Variants in DENND4C observed in about 807,000 individuals in gnomAD.
DENND4C encodes the protein DENN domain-containing protein 4C.
DENND4C carries 108 observed loss-of-function variants against 203.0 expected under a neutral mutation model. The ratio of observed to expected loss-of-function variants is 0.53; its 90% CI spans 0.46 to 0.62. DENND4C has a LOEUF of 0.62. DENND4C is among the 20% of genes least tolerant of loss of function. The pLI is 0.00. For synonymous variants in DENND4C, 871 were observed against 792.4 expected (o/e 1.10, Z -1.67); for missense variants, 2,481 against 2,301.2 (o/e 1.08, Z -1.60).
At position 19,286,885 on chromosome 9, in the gene DENND4C, T is replaced by C; in HGVS notation, c.422T>C (p.Ile141Thr). The C allele has an allele frequency of 1.6e-6, 2 of 1,232,146 alleles. No homozygotes were observed. The highest frequency in any genetic ancestry group is 2.0e-6 in the Non-Finnish European group (2 of 987,968). 76.3% of individuals were successfully genotyped at this position (1,232,146 alleles called of 1,614,324 possible). A position where few individuals can be genotyped will look rare whatever the true frequency, so the allele number is the denominator to read the frequency against. Residue 141 changes from isoleucine (I) to threonine (T), a missense_variant, in exon 3 of 33, where the codon ATC (isoleucine) becomes ACC (threonine). Ile to Thr is a moderately conservative substitution (Grantham distance 89, BLOSUM62 -1). Around this residue, in one of 3 missense-constraint regions of DENND4C, gnomAD observed 187 missense variants for 167.4 expected, o/e 1.12. Transcript: ENST00000434457. ...NSSTTSQRIF[I>T]TYRRAPPVRP... is the part of the protein sequence containing the mutation. ...TCAACTACTTCACAAAGAATCTTTA[T>C]CACTTATCGAAGGGCTCCTCCAGTT...
In DENND4C at chr9:19,346,368, C is replaced by T. The variant is rs1001824954; in HGVS notation, c.3599C>T (p.Ala1200Val). The T allele has an allele frequency of 1.2e-6, 2 of 1,613,912 alleles. No individual in the cohort carries two copies. The highest frequency in any genetic ancestry group is 1.7e-5 in the Admixed American group (1 of 59,978). The change falls in exon 23 of 33, where the codon GCA becomes GTA. Residue 1200 changes from alanine to valine, a missense_variant. Around this residue, in one of 3 missense-constraint regions of DENND4C, gnomAD observed 2,289 missense variants for 2,113.3 expected, o/e 1.08. Coordinates refer to ENST00000434457, the MANE Select transcript of DENND4C (RefSeq NM_001330640.2). ...GTTGATGACGTACCTAAAACTACTGCAACAGTAGATACATATGAGAGTCTA... is the reference window on the plus strand; with the variant it reads ...GTTGATGACGTACCTAAAACTACTGTAACAGTAGATACATATGAGAGTCTA... ...PVVDDVPKTT[A>V]TVDTYESLLS...
At chr9:19,320,390 G>A (rs1842684385) in intron 12 of DENND4C, among the ~76,000 whole-genome samples, 2 of 152,204 alleles carry the variant, frequency 1.3e-5, no homozygotes, top group South Asian at 4.1e-4. Flanking sequence ...GTGGAGATGA[G>A]GTTTAGCCAT....
chr9:19,248,042 A>G (rs1043493880), intron 1 of DENND4C, among the ~76,000 whole-genome samples: 4 of 152,078 alleles, frequency 2.6e-5, no homozygotes, highest in African/African-American at 9.7e-5. Context: ...CCTTGCTTCC[A>G]TTCTTTTCTC....
intron 2 of DENND4C, among the ~76,000 whole-genome samples, chr9:19,280,018 A>AAG (rs74652311): frequency 0.58 from 87,383 of 151,604 alleles, 25,167 homozygotes; most frequent in South Asian, 0.68. Flanking sequence ...ATATAGGAAA[A>AAG]AGATATTTTA....
rs762579335 is a variant in DENND4C at position 19,357,136 on chromosome 9, G to C, written c.4946G>C (p.Gly1649Ala). The change falls in exon 27 of 33, where the codon GGC becomes GCC. Residue 1649 changes from glycine to alanine, a missense_variant. This residue lies in a region of DENND4C where 2,289 missense variants were observed against 2,113.3 expected (regional missense o/e 1.08). Transcript: ENST00000434457. ...AACCAGATCATAACTGAAGAAACAG[G>C]CTCTGCAGTTGAACCAAGGTATCAA... is the stretch of plus-strand genomic sequence containing the variant. Reference protein sequence around the residue: ...KHNQIITEETGSAVEPSDEIK... With the variant: ...KHNQIITEETASAVEPSDEIK... The C allele has an allele frequency of 3.1e-6, 5 of 1,613,820 alleles. No individual in the cohort carries two copies. Among genetic ancestry groups the C allele is most frequent in the Non-Finnish European group, 4.2e-6 (5 of 1,179,810 alleles).
At chr9:19,333,604 T>G (rs1413554094) in intron 17 of DENND4C, among the ~76,000 whole-genome samples, 2 of 152,156 alleles carry the variant, frequency 1.3e-5, no homozygotes, top group Non-Finnish European at 2.9e-5. Flanking sequence ...AGTTTGAAGG[T>G]TAGTTAAATC....
chr9:19,345,881 G>C, intron 22 of DENND4C, 40 bp from the exon 23 acceptor site: 1 of 1,479,432 alleles, frequency 6.8e-7, no homozygotes, highest in Non-Finnish European at 9.1e-7. Context: ...AGTTAACTTG[G>C]AAAATAGGTT....
At chr9:19,325,774 C>T (rs1430995463) in intron 13 of DENND4C, among the ~76,000 whole-genome samples, 165 bp from the exon 14 acceptor site, 1 of 152,076 alleles carries the variant, frequency 6.6e-6, no homozygotes, top group African/African-American at 2.4e-5. Flanking sequence ...AAAAATTATG[C>T]TTTAGCCTAA....
intron 1 of DENND4C, among the ~76,000 whole-genome samples, chr9:19,242,404 A>C (rs559314709): frequency 8.5e-5 from 13 of 152,340 alleles, no homozygotes; most frequent in African/African-American, 2.9e-4. Flanking sequence ...TTGTGTAACT[A>C]TAAGTTTTTA....
chr9:19,316,167 G>A (rs1175611543), intron 10 of DENND4C, among the ~76,000 whole-genome samples: 1 of 152,168 alleles, frequency 6.6e-6, no homozygotes, highest in African/African-American at 2.4e-5. Context: ...CTAGACTTCA[G>A]TGTTGTATTC....
At chr9:19,304,828 C>T (rs1016753783) in intron 9 of DENND4C, among the ~76,000 whole-genome samples, 4 of 149,862 alleles carry the variant, frequency 2.7e-5, no homozygotes, top group Non-Finnish European at 5.9e-5. Flanking sequence ...GGATTACAGG[C>T]GTGAGCCACC....
chr9:19,246,921 T>C (rs1239877839), intron 1 of DENND4C, among the ~76,000 whole-genome samples: 1 of 152,160 alleles, frequency 6.6e-6, no homozygotes, highest in Non-Finnish European at 1.5e-5. Flanking sequence ...ATAGCAAAAT[T>C]TGTCAGAAAG....
chr9:19,365,669 GAC>G (rs1326044223), intron 30 of DENND4C, among the ~76,000 whole-genome samples: 2 of 143,682 alleles, frequency 1.4e-5, no homozygotes, highest in South Asian at 2.2e-4. Context: ...CTAAGGAATA[GAC>G]ACACACCTAA....
chr9:19,357,979 G>C lies in DENND4C; in HGVS notation c.4979G>C (p.Arg1660Thr), dbSNP rs919856597. ...SAVEPSDEIK[R>T]ASGDVQTMKI... ...TTATTTTTAAGTGATGAAATAAAGA[G>C]AGCCAGTGGAGATGTCCAAACTATG... The change falls in exon 28 of 33, where the codon AGA (arginine) becomes ACA (threonine). Residue 1660 changes from arginine (R) to threonine (T), a missense_variant. This residue lies in a region of DENND4C where 2,289 missense variants were observed against 2,113.3 expected (regional missense o/e 1.08). Transcript: ENST00000434457. 1.9e-6 allele frequency: 3 copies of C among 1,609,108 alleles called. No homozygotes were observed. Among genetic ancestry groups the C allele is most frequent in the South Asian group, 1.1e-5 (1 of 90,564 alleles).
At chr9:19,300,616 C>G (rs1588874728) in intron 9 of DENND4C, among the ~76,000 whole-genome samples, 1 of 152,048 alleles carries the variant, frequency 6.6e-6, no homozygotes, top group Admixed American at 6.6e-5. Flanking sequence ...TATAATAAAA[C>G]CTGAGAATGA....
At chr9:19,289,017 G>A (rs749211026) in intron 4 of DENND4C, among the ~76,000 whole-genome samples, 13 of 152,158 alleles carry the variant, frequency 8.5e-5, no homozygotes, top group African/African-American at 1.4e-4. Flanking sequence ...GTCAAACTGC[G>A]TCTTTACTTC....
At position 19,346,684 on chromosome 9, in the gene DENND4C, CAG is replaced by C; in HGVS notation, c.3920_3921del (p.Glu1307GlyfsTer34). On this transcript the variant is annotated frameshift_variant, in exon 23 of 33. Transcript: ENST00000434457. LOFTEE classifies it high-confidence loss of function. ...GSKSSSMELHREENRESGMTT... is the reference protein window; with the variant it reads ...GSKSSSMELHXEENRESGMTT... ...GTAAATCTTCTAGTATGGAATTACA[CAG>C]AGAGGAAAACAGAGAGTCTGGCATG... is the stretch of plus-strand genomic sequence containing the variant. 1 of 1,614,106 alleles carries C rather than the reference CAG, an allele frequency of 6.2e-7. No individual in the cohort carries two copies.
At chr9:19,271,869 C>CAAA (rs200794983) in intron 1 of DENND4C, among the ~76,000 whole-genome samples, 8 of 82,444 alleles carry the variant, frequency 9.7e-5, no homozygotes, top group South Asian at 4.1e-4. Flanking sequence ...AACTCTGTCT[C>CAAA]AAAAAAAAAA....
intron 10 of DENND4C, among the ~76,000 whole-genome samples, chr9:19,314,961 A>T (rs567674615): frequency 9.2e-5 from 14 of 152,008 alleles, no homozygotes; most frequent in African/African-American, 3.4e-4. Flanking sequence ...CAGGAGTTTG[A>T]GACCAGCCTG....
Sources: allele counts gnomAD v4.1 joint callset (sites outside exome capture counted in the v4.1 genomes callset), GRCh38; gene constraint gnomAD v4.1.1; regional missense constraint gnomAD v4.1.1; transcripts MANE v1.5; gene names NCBI Gene and HGNC (gene_info 2026-07-23, HGNC 2026-07-21).